NTM: variants seen among roughly 807,000 people sequenced by gnomAD.
NTM encodes IgLON family member 2.
In NTM, 13 loss-of-function variants were observed where a neutral mutation model predicts 42.1. That is an observed-to-expected ratio of 0.31 (90% CI 0.20 to 0.49). The LOEUF (loss-of-function observed/expected upper bound fraction) is 0.49, where lower values mean the gene tolerates loss of function less well. NTM is among the 20% of genes least tolerant of loss of function. NTM has a pLI of 0.99. For missense variants in NTM, 373 were observed against 452.8 expected (o/e 0.82, Z 1.60); for synonymous variants, 187 against 179.2 (o/e 1.04, Z -0.35).
intron 1 of NTM, among the ~76,000 whole-genome samples, chr11:131,732,544 A>G (rs2079827895): frequency 6.6e-6 from 1 of 152,224 alleles, no homozygotes; most frequent in African/African-American, 2.4e-5. Flanking sequence ...ATTGGAAGGC[A>G]ATTTACCAAT....
Position 131,510,021 on chromosome 11 carries a change from C to T in NTM, c.82+139133C>T, listed in dbSNP as rs139153048. 3.1e-3 allele frequency among the ~76,000 whole-genome samples: 473 copies of T among 152,204 alleles called. 2 individuals carry two copies. Among genetic ancestry groups the T allele is most frequent in the African/African-American group, 9.7e-3 (402 of 41,528 alleles). On this transcript the variant is annotated intron_variant, in intron 1 of 8. Coordinates refer to ENST00000683400, the MANE Select transcript of NTM (RefSeq NM_001352005.2). ...GGGTGGGCCAGAGGCCAGTTTCCCA[C>T]GTCTCTAGAGTTTCTTCTCCTTGTC...
Position 131,951,893 on chromosome 11 carries a change from G to C in NTM, c.167+40245G>C, listed in dbSNP as rs1468557350. ...ACCTCATAGGCCACAGAAGATGAGA[G>C]CTTTAACCCAAAGTCATGATAATGC... On this transcript the variant is annotated intron_variant, in intron 2 of 8. Coordinates refer to ENST00000683400, the MANE Select transcript of NTM (RefSeq NM_001352005.2). Among the ~76,000 whole-genome samples, 4 of 151,030 alleles carry C rather than the reference G, an allele frequency of 2.6e-5. No homozygotes were observed. The East Asian group carries it at 7.8e-4, about 29-fold the overall frequency.
chr11:131,754,894 A>G (rs1434353602), intron 1 of NTM, among the ~76,000 whole-genome samples: 5 of 152,208 alleles, frequency 3.3e-5, no homozygotes, highest in Non-Finnish European at 7.3e-5. Context: ...ATGTAGATGA[A>G]CTCACACCAT....
At chr11:131,515,883 G>A (rs1190353569) in intron 1 of NTM, among the ~76,000 whole-genome samples, 4 of 152,248 alleles carry the variant, frequency 2.6e-5, no homozygotes, top group Admixed American at 2.6e-4. Flanking sequence ...CCATGGTAAG[G>A]CTGGAAAACG....
chr11:132,236,886 C>A (rs1346945994), intron 4 of NTM, among the ~76,000 whole-genome samples: 1 of 152,230 alleles, frequency 6.6e-6, no homozygotes, highest in African/African-American at 2.4e-5. Context: ...GAAGGCCACA[C>A]AGCTTCTGCT....
chr11:131,564,569 G>T (rs977097189), intron 1 of NTM, among the ~76,000 whole-genome samples: 2 of 151,590 alleles, frequency 1.3e-5, no homozygotes, highest in African/African-American at 4.8e-5. Context: ...CATAATTATT[G>T]TATACAACAT....
chr11:131,781,385 G>A (rs1391256823), intron 1 of NTM, among the ~76,000 whole-genome samples: 1 of 151,452 alleles, frequency 6.6e-6, no homozygotes, highest in Non-Finnish European at 1.5e-5. Context: ...ATAAATAATT[G>A]TTTCCTCAGT....
chr11:131,872,262 G>T (rs1592417065), intron 1 of NTM, among the ~76,000 whole-genome samples: 1 of 152,330 alleles, frequency 6.6e-6, no homozygotes, highest in Non-Finnish European at 1.5e-5. Flanking sequence ...GTCCTCCCTG[G>T]AGTTTTACTA....
chr11:132,166,584 T>C (rs1332612676), intron 3 of NTM, among the ~76,000 whole-genome samples: 1 of 152,210 alleles, frequency 6.6e-6, no homozygotes, highest in African/African-American at 2.4e-5. Flanking sequence ...ATCCACATAG[T>C]AATTAGAGAG....
intron 4 of NTM, among the ~76,000 whole-genome samples, chr11:132,302,379 T>C (rs1390778715): frequency 1.3e-5 from 2 of 152,170 alleles, no homozygotes; most frequent in East Asian, 3.9e-4. Flanking sequence ...AAATCACATA[T>C]TTAAAGAAAA....
intron 1 of NTM, among the ~76,000 whole-genome samples, chr11:131,455,905 C>G (rs1467076943): frequency 2.0e-5 from 3 of 152,176 alleles, no homozygotes; most frequent in Non-Finnish European, 2.9e-5. Flanking sequence ...GGCCGACATA[C>G]AGTGTGGATG....
At chr11:131,637,917 T>C (rs1328104435) in intron 1 of NTM, among the ~76,000 whole-genome samples, 1 of 152,172 alleles carries the variant, frequency 6.6e-6, no homozygotes, top group African/African-American at 2.4e-5. Flanking sequence ...ACTCTGATTC[T>C]AGTCTCTTCC....
At chr11:131,928,971 C>T (rs920768809) in intron 2 of NTM, among the ~76,000 whole-genome samples, 1 of 152,196 alleles carries the variant, frequency 6.6e-6, no homozygotes, top group Admixed American at 6.5e-5. Flanking sequence ...CTCATGTTCC[C>T]ATAGTGTGTA....
At chr11:131,789,726 G>A (rs1591862589) in intron 1 of NTM, among the ~76,000 whole-genome samples, 1 of 151,408 alleles carries the variant, frequency 6.6e-6, no homozygotes, top group African/African-American at 2.4e-5. Context: ...GGAGGTGGAG[G>A]CAGGCGGATC....
At chr11:131,447,982 A>C (rs1490517847) in intron 1 of NTM, among the ~76,000 whole-genome samples, 1 of 152,216 alleles carries the variant, frequency 6.6e-6, no homozygotes, top group East Asian at 1.9e-4. Flanking sequence ...TGAACGCTGG[A>C]AAGCCAGTAA....
chr11:131,562,928 T>A (rs1349834702), intron 1 of NTM, among the ~76,000 whole-genome samples: 1 of 152,166 alleles, frequency 6.6e-6, no homozygotes, highest in Non-Finnish European at 1.5e-5. Context: ...GTCCTGCATA[T>A]GCATGAGGTC....
At chr11:131,390,576 G>A (rs917634648) in intron 1 of NTM, among the ~76,000 whole-genome samples, 22 of 152,182 alleles carry the variant, frequency 1.4e-4, no homozygotes, top group African/African-American at 5.3e-4. Context: ...GTCCTACACA[G>A]GATTGAGGTC....
At chr11:131,872,777 G>A (rs1404477536) in intron 1 of NTM, among the ~76,000 whole-genome samples, 1 of 152,148 alleles carries the variant, frequency 6.6e-6, no homozygotes, top group Non-Finnish European at 1.5e-5. Context: ...ATACTGTGGG[G>A]TAATTAGACC....
intron 2 of NTM, among the ~76,000 whole-genome samples, chr11:132,115,802 C>A (rs911416016): frequency 1.3e-5 from 2 of 152,174 alleles, no homozygotes; most frequent in African/African-American, 4.8e-5. Flanking sequence ...CTTGTAGGAG[C>A]CTTTACCTGC....
Sources: allele counts gnomAD v4.1 joint callset (sites outside exome capture counted in the v4.1 genomes callset), GRCh38; gene constraint gnomAD v4.1.1; transcripts MANE v1.5; gene names NCBI Gene and HGNC (gene_info 2026-07-23, HGNC 2026-07-21).